The following ARFGEF2 variants were observed in gnomAD, a reference collection of about 807,000 sequenced individuals.
ARFGEF2 encodes brefeldin A-inhibited guanine nucleotide-exchange protein 2.
ARFGEF2 carries 74 observed loss-of-function variants against 219.9 expected under a neutral mutation model. The ratio of observed to expected loss-of-function variants is 0.34; its 90% confidence interval spans 0.28 to 0.41. The LOEUF is 0.41. ARFGEF2 is among the 10% of genes least tolerant of loss of function. The pLI is 1.00. For synonymous variants in ARFGEF2, 733 were observed against 799.2 expected, an observed-to-expected ratio of 0.92 and a Z score of 1.40; for missense variants, 1,743 against 2,218.3, an observed-to-expected ratio of 0.79 and a Z score of 4.30.
intron 27 of ARFGEF2, 57 bp downstream of exon 27, chr20:49,010,461 C>A: frequency 6.3e-7 from 1 of 1,591,874 alleles, no homozygotes; most frequent in Non-Finnish European, 8.6e-7. Context: ...AGAAGAGTGT[C>A]ACTTGCTGTC....
At chr20:49,002,991 C>T (rs1445204683) in intron 25 of ARFGEF2, among the ~76,000 whole-genome samples, 6 of 112,578 alleles carry the variant, frequency 5.3e-5, no homozygotes, top group Non-Finnish European at 7.0e-5. Flanking sequence ...TTTTTAGAGA[C>T]GGATCTTGCT....
chr20:49,004,933 G>A (rs973047163), intron 25 of ARFGEF2, 137 bp from the exon 26 acceptor site: 2 of 956,746 alleles, frequency 2.1e-6, no homozygotes, highest in Non-Finnish European at 1.7e-6. Flanking sequence ...CCAAGAAATA[G>A]CATTTTCTTT....
chr20:48,994,274 C>T (rs766175041), intron 21 of ARFGEF2, among the ~76,000 whole-genome samples, 177 bp from the exon 22 acceptor site: 6 of 152,102 alleles, frequency 3.9e-5, no homozygotes, highest in Non-Finnish European at 8.8e-5. Context: ...GGGAGGAATC[C>T]GCCGCCCCAG....
intron 23 of ARFGEF2, among the ~76,000 whole-genome samples, chr20:48,997,642 CT>C (rs2091400233): frequency 6.6e-6 from 1 of 152,162 alleles, no homozygotes; most frequent in Non-Finnish European, 1.5e-5. Context: ...ACTCAGTTCA[CT>C]TTCCTTGAAC....
intron 1 of ARFGEF2, among the ~76,000 whole-genome samples, chr20:48,927,914 C>T (rs965265364): frequency 6.6e-6 from 1 of 152,044 alleles, no homozygotes; most frequent in Non-Finnish European, 1.5e-5. Context: ...GGTTATCTGT[C>T]TGGAAGCAGC....
At position 49,033,635 on chromosome 20, in the gene ARFGEF2, T is replaced by G. The variant is rs1228534383; in HGVS notation, c.*436T>G. ...TAACGGCTAACTGCCACCTAAAATA[T>G]GCTGGGTTTTCTGTTGTTTGAGTGT... On this transcript the variant is annotated 3_prime_UTR_variant, in exon 39 of 39. Transcript: ENST00000371917. The G allele has an allele frequency of 5.7e-6, 1 of 174,730 alleles. No individual in the cohort carries two copies. Among genetic ancestry groups the G allele is most frequent in the African/African-American group, 2.4e-5 (1 of 42,132 alleles). The allele number at this position is 174,730 out of a possible 1,614,324, so 10.8% of individuals were successfully genotyped here. A position where few individuals can be genotyped will look rare whatever the true frequency, so the allele number is the denominator to read the frequency against.
Position 49,023,160 on chromosome 20 carries a change from A to G in ARFGEF2, c.4734A>G (p.Ala1578=). The change falls in exon 35 of 39, where the codon GCA becomes GCG. Residue 1578 remains alanine (A), a synonymous_variant. Transcript: ENST00000371917. The part of the protein sequence containing the change: ...FYPATSKKED[A]EHMVAAQQDT... ...CTGCGACGAGCAAAAAGGAGGATGC[A>G]GAGCACATGGTTGCCGCCCAGGTAA... 6.2e-7 allele frequency: 1 copy of G among 1,614,216 alleles called. No individual in the cohort carries two copies. Among genetic ancestry groups the G allele is most frequent in the Non-Finnish European group, 8.5e-7 (1 of 1,180,034 alleles).
intron 1 of ARFGEF2, among the ~76,000 whole-genome samples, chr20:48,936,025 G>A (rs1273978693): frequency 6.9e-6 from 1 of 144,958 alleles, no homozygotes; most frequent in Non-Finnish European, 1.5e-5. Context: ...AGGGGCGGCC[G>A]GGCAGAGGCG....
At chr20:49,008,707 G>GTTTTTT (rs796608906) in intron 26 of ARFGEF2, among the ~76,000 whole-genome samples, 6 of 132,422 alleles carry the variant, frequency 4.5e-5, no homozygotes, top group Non-Finnish European at 8.1e-5. Flanking sequence ...TCATGTAAAG[G>GTTTTTT]TTTTTTTTTT....
intron 34 of ARFGEF2, among the ~76,000 whole-genome samples, chr20:49,022,359 A>G (rs1260877230): frequency 6.6e-6 from 1 of 151,816 alleles, no homozygotes; most frequent in African/African-American, 2.4e-5. Flanking sequence ...ATTGTGGCAC[A>G]GGAGTTCAAG....
At chr20:48,937,804 C>T (rs1274969685) in intron 1 of ARFGEF2, among the ~76,000 whole-genome samples, 5 of 152,132 alleles carry the variant, frequency 3.3e-5, no homozygotes, top group African/African-American at 9.7e-5. Flanking sequence ...TTGCTCATTC[C>T]CATTCCAAAA....
chr20:48,979,796 G>T (rs190479930), intron 14 of ARFGEF2, among the ~76,000 whole-genome samples: 1 of 152,118 alleles, frequency 6.6e-6, no homozygotes, highest in East Asian at 1.9e-4. Context: ...ATGGTAATTT[G>T]TATTTCTGTG....
In ARFGEF2 at chr20:49,003,420, C is replaced by T. The variant is rs190858993; in HGVS notation, c.3433-1650C>T. ...AGGAGTTTGAGACCAGCCTGGCCAA[C>T]GTGGTGAAACCCCGTCTCTACTAAA... is the stretch of plus-strand genomic sequence containing the variant. On this transcript the variant is annotated intron_variant, in intron 25 of 38. Transcript: ENST00000371917. 6.9e-3 allele frequency among the ~76,000 whole-genome samples: 1,042 copies of T among 151,116 alleles called. 13 individuals are homozygous for T. Among genetic ancestry groups the T allele is most frequent in the African/African-American group, 0.023 (957 of 41,240 alleles).
chr20:49,013,811 C>G lies in ARFGEF2; in HGVS notation c.4050-20C>G. 1 of 1,614,106 alleles carries G rather than the reference C, an allele frequency of 6.2e-7. No homozygotes were observed. Among genetic ancestry groups the G allele is most frequent in the South Asian group, 1.1e-5 (1 of 91,062 alleles). ...CTTCTCCACCATTCTCTCTTCTGTG[C>G]CTGACTTTGTTTCCTCCAGGGGACT... On this transcript the variant is annotated intron_variant, in intron 29 of 38. Coordinates refer to ENST00000371917, the MANE Select transcript of ARFGEF2 (RefSeq NM_006420.3).
intron 23 of ARFGEF2, among the ~76,000 whole-genome samples, chr20:48,997,926 C>T (rs2083142996): frequency 6.6e-6 from 1 of 152,110 alleles, no homozygotes; most frequent in Admixed American, 6.5e-5. Context: ...GGCGCAATCT[C>T]GGCTTACTGC....
chr20:48,952,687 C>A lies in ARFGEF2; in HGVS notation c.424-18C>A. The stretch of plus-strand genomic sequence containing the variant: ...GATGTGCGTTCCTGATGGTGAAGGT[C>A]GCGGATTTCTATTTTAGGCTCTTCT... On this transcript the variant is annotated intron_variant, in intron 4 of 38. Coordinates refer to ENST00000371917, the MANE Select transcript of ARFGEF2 (RefSeq NM_006420.3). 1 of 1,613,932 alleles carries A rather than the reference C, an allele frequency of 6.2e-7. No individual in the cohort carries two copies. Among genetic ancestry groups the A allele is most frequent in the East Asian group, 2.2e-5 (1 of 44,892 alleles).
rs376145864 is a variant in ARFGEF2 at position 48,988,446 on chromosome 20, C to A, written c.2362-45C>A. The A allele has an allele frequency of 8.5e-5, 137 of 1,609,134 alleles. 1 individual carries two copies. The highest frequency in any genetic ancestry group is 8.1e-4 in the South Asian group (74 of 90,886). ...AGCTAAATAAGTGGCTTTACTTGGG[C>A]AATTGGATGTTTTTTAAATGGTTTT... On this transcript the variant is annotated intron_variant, in intron 17 of 38. Coordinates refer to ENST00000371917, the MANE Select transcript of ARFGEF2 (RefSeq NM_006420.3).
intron 25 of ARFGEF2, among the ~76,000 whole-genome samples, chr20:48,999,746 T>TAAAA (rs761792091): frequency 1.2e-4 from 13 of 111,392 alleles, no homozygotes; most frequent in African/African-American, 2.8e-4. Flanking sequence ...GACTCCGTCT[T>TAAAA]AAAAAAAAAA....
chr20:49,002,645 C>T (rs2091431983), intron 25 of ARFGEF2, among the ~76,000 whole-genome samples: 1 of 152,088 alleles, frequency 6.6e-6, no homozygotes, highest in Non-Finnish European at 1.5e-5. Flanking sequence ...GCATTTTGCT[C>T]TTATTGCCCA....
Sources: allele counts gnomAD v4.1 joint callset (sites outside exome capture counted in the v4.1 genomes callset), GRCh38; gene constraint gnomAD v4.1.1; transcripts MANE v1.5; gene names NCBI Gene and HGNC (gene_info 2026-07-23, HGNC 2026-07-21).